SYN3: variants seen among roughly 807,000 people sequenced by gnomAD.
The protein encoded by SYN3 is synapsin III, also known as synapsin-3.
Under a neutral mutation model 65.8 loss-of-function variants are expected in SYN3, and 35 were observed. That is an observed-to-expected ratio of 0.53 (90% CI 0.41 to 0.70). The LOEUF is 0.70. SYN3 is among the 30% of genes least tolerant of loss of function. SYN3 has a pLI of 0.00. For synonymous variants in SYN3, 270 were observed against 292.9 expected (o/e 0.92, Z 0.80); for missense variants, 680 against 749.0 (o/e 0.91, Z 1.08).
chr22:32,631,061 A>G (rs892389629), intron 6 of SYN3, among the ~76,000 whole-genome samples: 4 of 147,004 alleles, frequency 2.7e-5, no homozygotes, highest in African/African-American at 1.1e-4. Context: ...TGGGAGGCCG[A>G]GGCGGGCGGA....
At chr22:32,519,859 A>G (rs1468857123) in intron 12 of SYN3, among the ~76,000 whole-genome samples, 1 of 151,914 alleles carries the variant, frequency 6.6e-6, no homozygotes, top group African/African-American at 2.4e-5. Context: ...ACGTTAGGAG[A>G]CTGAAAACTA....
intron 6 of SYN3, among the ~76,000 whole-genome samples, chr22:32,731,525 T>A (rs1270230384): frequency 6.6e-6 from 1 of 152,156 alleles, no homozygotes; most frequent in Non-Finnish European, 1.5e-5. Context: ...GGCTTTTAGA[T>A]GCAAGATACA....
chr22:33,016,472 G>A (rs1172689935), intron 1 of SYN3, among the ~76,000 whole-genome samples: 1 of 152,130 alleles, frequency 6.6e-6, no homozygotes, highest in African/African-American at 2.4e-5. Flanking sequence ...AATAAATAAT[G>A]TCATTCTATT....
chr22:32,544,397 CACT>C (rs1458911437), intron 7 of SYN3, among the ~76,000 whole-genome samples: 2 of 152,158 alleles, frequency 1.3e-5, no homozygotes, highest in Non-Finnish European at 2.9e-5. Flanking sequence ...AGTTACGCAC[CACT>C]GTCTATCTCT....
rs930977976 is a variant in SYN3, at chr22:32,801,409, G to A, written c.711+63506C>T. On this transcript the variant is annotated intron_variant, in intron 6 of 13. Transcript: ENST00000358763. The surrounding 1 kb of genome is among the most constrained non-coding windows in gnomAD (Gnocchi z 4.7). The stretch of plus-strand genomic sequence containing the variant: ...GCCCAGGTGGGCGTGGGGCCAGGGC[G>A]CAGACGAGAAGGGGCACGAGGGCTC... Among the ~76,000 whole-genome samples, 1 of 152,214 alleles carries A rather than the reference G, an allele frequency of 6.6e-6. No homozygotes were observed. The highest frequency in any genetic ancestry group is 6.5e-5 in the Admixed American group (1 of 15,290).
intron 6 of SYN3, among the ~76,000 whole-genome samples, chr22:32,620,209 C>T (rs1009585652): frequency 1.3e-5 from 2 of 152,206 alleles, no homozygotes; most frequent in South Asian, 4.2e-4. Context: ...AAGATTGCCT[C>T]TAGCTTGAAA....
chr22:32,809,199 C>G (rs189875032), intron 6 of SYN3, among the ~76,000 whole-genome samples: 7 of 152,362 alleles, frequency 4.6e-5, no homozygotes, highest in Admixed American at 4.6e-4. Flanking sequence ...TGCCCAAGCT[C>G]ACACCACTTG....
intron 4 of SYN3, among the ~76,000 whole-genome samples, chr22:32,914,468 C>T (rs1380807589): frequency 2.7e-5 from 4 of 148,424 alleles, no homozygotes; most frequent in Non-Finnish European, 3.0e-5. Context: ...GACGGAGTCT[C>T]GCTCTGTTGC....
intron 6 of SYN3, among the ~76,000 whole-genome samples, chr22:32,604,664 A>G (rs935652356): frequency 1.3e-5 from 2 of 152,014 alleles, no homozygotes; most frequent in Admixed American, 6.6e-5. Flanking sequence ...TATCTTCTCT[A>G]TCTCACTCTG....
intron 12 of SYN3, among the ~76,000 whole-genome samples, chr22:32,527,417 T>C (rs1362500557): frequency 1.3e-5 from 2 of 152,076 alleles, no homozygotes; most frequent in African/African-American, 4.8e-5. Context: ...CTGGCCAACA[T>C]GGTGAAACCC....
chr22:32,931,559 T>TA, intron 3 of SYN3, 78 bp from the exon 4 acceptor site: 1 of 978,368 alleles, frequency 1.0e-6, no homozygotes, highest in Non-Finnish European at 1.6e-6. Flanking sequence ...ATTGGGTACT[T>TA]AGAGGTACAA....
At chr22:32,879,834 C>G (rs897721218) in intron 4 of SYN3, among the ~76,000 whole-genome samples, 2 of 152,106 alleles carry the variant, frequency 1.3e-5, no homozygotes, top group Non-Finnish European at 2.9e-5. Flanking sequence ...AGTCAACAAC[C>G]CTTTTAAAAA....
intron 1 of SYN3, among the ~76,000 whole-genome samples, chr22:33,016,075 A>C (rs2053461062): frequency 6.6e-6 from 1 of 151,804 alleles, no homozygotes; most frequent in African/African-American, 2.4e-5. Context: ...TGAACTCCTG[A>C]CCTCAGGTGA....
intron 6 of SYN3, among the ~76,000 whole-genome samples, chr22:32,842,182 G>A (rs1010720119): frequency 6.6e-6 from 1 of 152,156 alleles, no homozygotes; most frequent in African/African-American, 2.4e-5. Context: ...CAGACCCCAC[G>A]TGCTCCATGC....
chr22:32,995,482 C>G (rs954888619), intron 2 of SYN3, among the ~76,000 whole-genome samples: 1 of 152,082 alleles, frequency 6.6e-6, no homozygotes, highest in Admixed American at 6.5e-5. Flanking sequence ...ATCTGACAAC[C>G]CTACCCCAAG....
At chr22:32,718,869 A>G (rs2061076421) in intron 6 of SYN3, among the ~76,000 whole-genome samples, 1 of 152,146 alleles carries the variant, frequency 6.6e-6, no homozygotes, top group Non-Finnish European at 1.5e-5. Flanking sequence ...TCCTTTTAAT[A>G]TTATACTCTC....
In SYN3 at chr22:32,508,614, C is replaced by A. The variant is rs914547590; in HGVS notation, c.*5078G>T. ...TGAAAACCTGCCATTGATCTTCTTC[C>A]GCTTCTTTTCTCTATCTCATTTTAC... On this transcript the variant is annotated 3_prime_UTR_variant, in exon 14 of 14. Coordinates refer to ENST00000358763, the MANE Select transcript of SYN3 (RefSeq NM_003490.4). 1.3e-5 allele frequency among the ~76,000 whole-genome samples: 2 copies of A among 152,088 alleles called. No individual in the cohort carries two copies. The highest frequency in any genetic ancestry group is 4.8e-5 in the African/African-American group (2 of 41,396).
At chr22:33,029,785 C>T (rs906361835) in intron 1 of SYN3, among the ~76,000 whole-genome samples, 4 of 152,112 alleles carry the variant, frequency 2.6e-5, no homozygotes, top group Non-Finnish European at 4.4e-5. Flanking sequence ...GAGTCCAGGC[C>T]CTACGGATTT....
intron 6 of SYN3, among the ~76,000 whole-genome samples, chr22:32,840,026 T>C (rs1241607724): frequency 6.6e-6 from 1 of 151,974 alleles, no homozygotes; most frequent in Non-Finnish European, 1.5e-5. Flanking sequence ...GGACAGGGCA[T>C]CCCCAGGACA....
Sources: allele counts gnomAD v4.1 joint callset (sites outside exome capture counted in the v4.1 genomes callset), GRCh38; gene constraint gnomAD v4.1.1; non-coding constraint Gnocchi (gnomAD v3.1); transcripts MANE v1.5; gene names NCBI Gene and HGNC (gene_info 2026-07-23, HGNC 2026-07-21).